MAN1A2: variants seen among roughly 807,000 people sequenced by gnomAD.
The protein encoded by MAN1A2 is mannosyl-oligosaccharide 1,2-alpha-mannosidase IB.
A neutral mutation model predicts 75.7 loss-of-function variants in MAN1A2; 26 were observed. The ratio of observed to expected loss-of-function variants is 0.34; its 90% CI spans 0.25 to 0.48. The LOEUF (loss-of-function observed/expected upper bound fraction) is 0.48. Among genes scored for constraint, MAN1A2 ranks in the 20% least tolerant of loss-of-function variants. The pLI, the probability that MAN1A2 is intolerant of heterozygous loss-of-function variation, is 0.99. For synonymous variants in MAN1A2, 247 were observed against 264.6 expected (o/e 0.93, Z 0.65); for missense variants, 562 against 775.5 (o/e 0.72, Z 3.27).
At chr1:117,512,763 A>G (rs1431877501) in intron 12 of MAN1A2, among the ~76,000 whole-genome samples, 1 of 151,434 alleles carries the variant, frequency 6.6e-6, no homozygotes, top group Non-Finnish European at 1.5e-5. Flanking sequence ...ACACACACAC[A>G]CACACACACA....
At chr1:117,431,070 G>C (rs1398683636) in intron 5 of MAN1A2, among the ~76,000 whole-genome samples, 3 of 140,302 alleles carry the variant, frequency 2.1e-5, no homozygotes, top group Admixed American at 2.1e-4. Flanking sequence ...GTGGCAGCGC[G>C]TGCCTGCAAT....
At chr1:117,412,989 A>C (rs780740028) in intron 3 of MAN1A2, among the ~76,000 whole-genome samples, 1 of 151,910 alleles carries the variant, frequency 6.6e-6, no homozygotes, top group East Asian at 1.9e-4. Flanking sequence ...TAAGGACACA[A>C]ACAGTAGTCT....
At chr1:117,370,008 AAAT>A (rs1447218652) in intron 1 of MAN1A2, among the ~76,000 whole-genome samples, 1 of 152,216 alleles carries the variant, frequency 6.6e-6, no homozygotes, top group Non-Finnish European at 1.5e-5. Flanking sequence ...TAAAAGTTTA[AAAT>A]AATATGACCA....
At chr1:117,406,531 C>G (rs1447707610) in intron 3 of MAN1A2, among the ~76,000 whole-genome samples, 1 of 151,962 alleles carries the variant, frequency 6.6e-6, no homozygotes, top group East Asian at 1.9e-4. Context: ...ATAATTTGTT[C>G]ATTGTTGCTT....
chr1:117,388,195 A>G (rs1653604402), intron 1 of MAN1A2, among the ~76,000 whole-genome samples: 1 of 152,168 alleles, frequency 6.6e-6, no homozygotes, highest in South Asian at 2.1e-4. Flanking sequence ...AGCCAATAAG[A>G]CAAATTAGAG....
At chr1:117,405,494 A>G (rs1221766203) in intron 2 of MAN1A2, 55 bp from the exon 3 acceptor site, 2 of 1,109,094 alleles carry the variant, frequency 1.8e-6, no homozygotes, top group African/African-American at 3.1e-5. Flanking sequence ...GTATGAAATA[A>G]AAAAACAGTT....
chr1:117,453,759 G>T (rs541040482), intron 6 of MAN1A2, among the ~76,000 whole-genome samples: 11 of 152,282 alleles, frequency 7.2e-5, no homozygotes, highest in South Asian at 4.2e-4. Context: ...CCTCCAAGTT[G>T]GAAAGAATTT....
chr1:117,453,465 T>G (rs1176527189), intron 6 of MAN1A2, among the ~76,000 whole-genome samples: 1 of 152,146 alleles, frequency 6.6e-6, no homozygotes, highest in Admixed American at 6.5e-5. Context: ...TGGGTGATTT[T>G]GAAGGGTTCA....
intron 8 of MAN1A2, among the ~76,000 whole-genome samples, chr1:117,472,803 A>G (rs539751339): frequency 8.6e-5 from 13 of 152,028 alleles, no homozygotes; most frequent in Non-Finnish European, 1.9e-4. Flanking sequence ...AACTTTCTTA[A>G]AACATGAGAT....
At chr1:117,438,813 A>T (rs1232413809) in intron 5 of MAN1A2, among the ~76,000 whole-genome samples, 1 of 152,140 alleles carries the variant, frequency 6.6e-6, no homozygotes, top group African/African-American at 2.4e-5. Context: ...CTTACCATCT[A>T]GGTTTGTGTA....
In MAN1A2 at chr1:117,402,244, G is replaced by A; in HGVS notation, c.361G>A (p.Glu121Lys). 6.2e-7 allele frequency: 1 copy of A among 1,613,700 alleles called. No homozygotes were observed. Among genetic ancestry groups the A allele is most frequent in the East Asian group, 2.2e-5 (1 of 44,858 alleles). ...AGCTGATCATGAGAAGGCCTTGGAA[G>A]AAGCAAAAGAAAAATTAAGAAAGTC... The part of the protein sequence containing the change: ...IRADHEKALE[E>K]AKEKLRKSRE... The change falls in exon 2 of 13, where the codon GAA becomes AAA. Residue 121 changes from glutamate to lysine, a missense_variant. Physicochemically the swap from Glu to Lys is moderately conservative, Grantham distance 56. Transcript: ENST00000356554.
chr1:117,522,773 A>T lies in MAN1A2; in HGVS notation c.1794-52A>T. The T allele has an allele frequency of 4.5e-6, 7 of 1,554,354 alleles. No individual in the cohort carries two copies. In the South Asian group the frequency reaches 5.7e-5, roughly 13 times the overall value. On this transcript the variant is annotated intron_variant, in intron 12 of 12. Transcript: ENST00000356554. ...GTGCCATTAAAAGTGAGCTCACTTC[A>T]TGTTCTTGTTGAATTCTAACTGAAG...
At chr1:117,464,814 A>G (rs1649934308) in intron 7 of MAN1A2, among the ~76,000 whole-genome samples, 1 of 152,188 alleles carries the variant, frequency 6.6e-6, no homozygotes, top group East Asian at 1.9e-4. Context: ...AAAGTCTAAA[A>G]AAAACATTTA....
Position 117,525,260 on chromosome 1 carries a change from C to T in MAN1A2, c.*2303C>T. The T allele has an allele frequency of 2.6e-6, 1 of 384,776 alleles. No homozygotes were observed. The highest frequency in any genetic ancestry group is 5.4e-6 in the Non-Finnish European group (1 of 184,642). 23.8% of individuals were successfully genotyped at this position (384,776 alleles called of 1,614,324 possible). A position where few individuals can be genotyped will look rare whatever the true frequency, so the allele number is the denominator to read the frequency against. ...AAGGGTCTTCTTCACCACTCCTTAC[C>T]TTCTATGTGATGGAAAGACTAGAGC... On this transcript the variant is annotated 3_prime_UTR_variant, in exon 13 of 13. Coordinates refer to ENST00000356554, the MANE Select transcript of MAN1A2 (RefSeq NM_006699.5).
intron 4 of MAN1A2, 127 bp from the exon 5 acceptor site, chr1:117,420,442 T>A (rs963986780): frequency 1.5e-6 from 1 of 671,806 alleles, no homozygotes; most frequent in Non-Finnish European, 2.6e-6. Flanking sequence ...GCATGAGAAA[T>A]GAAGATGCAG....
intron 1 of MAN1A2, among the ~76,000 whole-genome samples, chr1:117,377,988 G>A (rs1215538389): frequency 1.3e-5 from 2 of 152,130 alleles, no homozygotes; most frequent in Non-Finnish European, 2.9e-5. Flanking sequence ...TGTAGTCCCA[G>A]CTACTCGGGA....
chr1:117,400,325 C>A (rs139434352), intron 1 of MAN1A2, among the ~76,000 whole-genome samples: 1 of 150,548 alleles, frequency 6.6e-6, no homozygotes, highest in East Asian at 1.9e-4. Flanking sequence ...GCTAATAACT[C>A]TTTTTTTTTC....
At chr1:117,510,695 G>T (rs1651510361) in intron 12 of MAN1A2, among the ~76,000 whole-genome samples, 1 of 152,004 alleles carries the variant, frequency 6.6e-6, no homozygotes, top group African/African-American at 2.4e-5. Flanking sequence ...TATATGAAAT[G>T]ATTTATCCAA....
chr1:117,503,848 C>G (rs996141619), intron 12 of MAN1A2, among the ~76,000 whole-genome samples: 2 of 151,538 alleles, frequency 1.3e-5, no homozygotes, highest in Non-Finnish European at 3.0e-5. Flanking sequence ...CGTTCTCAAA[C>G]TAAGTTTCTA....
Sources: allele counts gnomAD v4.1 joint callset (sites outside exome capture counted in the v4.1 genomes callset), GRCh38; gene constraint gnomAD v4.1.1; transcripts MANE v1.5; gene names NCBI Gene and HGNC (gene_info 2026-07-23, HGNC 2026-07-21).